Variants in EPHA5 observed in about 807,000 individuals in gnomAD.
EPHA5 encodes the protein EPH receptor A5.
Under a neutral mutation model 105.0 loss-of-function variants are expected in EPHA5, and 60 were observed. The observed-to-expected ratio is 0.57, with a 90% CI of 0.46 to 0.71. The LOEUF is 0.71. Ranked by LOEUF, EPHA5 falls within the 30% of genes least tolerant of loss-of-function variation. The probability of loss-of-function intolerance (pLI) is 0.00; values close to 1 mark genes in which losing one functional copy is unlikely to be tolerated. For missense variants in EPHA5, 1,218 were observed against 1,274.7 expected, an observed-to-expected ratio of 0.96 and a Z score of 0.68; for synonymous variants, 513 against 449.1, an observed-to-expected ratio of 1.14 and a Z score of -1.80.
intron 7 of EPHA5, among the ~76,000 whole-genome samples, chr4:65,406,534 G>A (rs755568419): frequency 6.6e-5 from 10 of 152,050 alleles, no homozygotes; most frequent in Non-Finnish European, 1.2e-4. Context: ...ATGTATGAAT[G>A]ATTCTTCATG....
At chr4:65,627,438 G>A (rs1232645250) in intron 2 of EPHA5, among the ~76,000 whole-genome samples, 1 of 151,990 alleles carries the variant, frequency 6.6e-6, no homozygotes, top group African/African-American at 2.4e-5. Flanking sequence ...AACCCTTTTG[G>A]CTTAACACAT....
intron 3 of EPHA5, among the ~76,000 whole-genome samples, chr4:65,522,610 C>G (rs994838404): frequency 6.6e-6 from 1 of 151,928 alleles, no homozygotes; most frequent in Non-Finnish European, 1.5e-5. Context: ...AATATTTACA[C>G]TGCAGAGACC....
chr4:65,332,826 G>A lies in EPHA5; in HGVS notation c.2790-698C>T, dbSNP rs568668529. Among the ~76,000 whole-genome samples the A allele has an allele frequency of 3.3e-5, 5 of 152,054 alleles. No individual in the cohort carries two copies. In the East Asian group the frequency reaches 9.7e-4, roughly 30 times the overall value. ...AGCTATGTGGGATAATTTGTGCAAA[G>A]CCAATCGATTTTTCCTAGAGGAACT... On this transcript the variant is annotated intron_variant, in intron 15 of 16. Transcript: ENST00000613740.
chr4:65,439,215 G>A lies in EPHA5; in HGVS notation c.1403-18650C>T, dbSNP rs144297490. Among the ~76,000 whole-genome samples, 677 of 152,176 alleles carry A rather than the reference G, an allele frequency of 4.4e-3. 5 individuals carry two copies. The highest frequency in any genetic ancestry group is 7.2e-3 in the Non-Finnish European group (491 of 67,992). ...ATAGGAGTTATATCCTAGAAGAGGC[G>A]AGAAAACTTGGAATACTTGAATACA... On this transcript the variant is annotated intron_variant, in intron 5 of 16. Coordinates refer to ENST00000613740, the MANE Select transcript of EPHA5 (RefSeq NM_001281766.3).
chr4:65,435,558 A>G (rs1302152740), intron 5 of EPHA5, among the ~76,000 whole-genome samples: 1 of 152,024 alleles, frequency 6.6e-6, no homozygotes, highest in Non-Finnish European at 1.5e-5. Flanking sequence ...TCCCAGATAA[A>G]TTAAGGGTTT....
At chr4:65,426,231 A>C (rs2149050433) in intron 5 of EPHA5, among the ~76,000 whole-genome samples, 1 of 152,102 alleles carries the variant, frequency 6.6e-6, no homozygotes, top group South Asian at 2.1e-4. Context: ...TCTTTCCTTG[A>C]TTTTCCCTTT....
chr4:65,448,230 C>A, intron 5 of EPHA5, among the ~76,000 whole-genome samples: 1 of 147,430 alleles, frequency 6.8e-6, no homozygotes, highest in South Asian at 2.2e-4. Context: ...AATCACCAAG[C>A]TATAAAAAAA....
intron 8 of EPHA5, among the ~76,000 whole-genome samples, chr4:65,401,380 T>A (rs1468708812): frequency 6.6e-6 from 1 of 152,056 alleles, no homozygotes; most frequent in Non-Finnish European, 1.5e-5. Flanking sequence ...AAGAATCATA[T>A]CATTTAGCTT....
chr4:65,498,699 A>G (rs1276884994), intron 3 of EPHA5, among the ~76,000 whole-genome samples: 1 of 151,812 alleles, frequency 6.6e-6, no homozygotes, highest in Non-Finnish European at 1.5e-5. Context: ...TTTACAGAAA[A>G]TACTGGTGCC....
At chr4:65,364,620 A>G (rs376269555) in intron 11 of EPHA5, among the ~76,000 whole-genome samples, 1 of 151,634 alleles carries the variant, frequency 6.6e-6, no homozygotes, top group Non-Finnish European at 1.5e-5. Context: ...AGAACTGCTT[A>G]AAAGGTGGCA....
chr4:65,371,111 A>C (rs1328256896), intron 8 of EPHA5, among the ~76,000 whole-genome samples: 1 of 152,138 alleles, frequency 6.6e-6, no homozygotes, highest in African/African-American at 2.4e-5. Context: ...ATGGAAAATA[A>C]ACTATTTTTT....
intron 16 of EPHA5, among the ~76,000 whole-genome samples, chr4:65,324,586 T>C (rs10517931): frequency 1.3e-5 from 2 of 151,186 alleles, no homozygotes; most frequent in Non-Finnish European, 3.0e-5. Context: ...TAAGCACTTA[T>C]TTTTGCTAAA....
At chr4:65,543,792 C>T (rs1441690268) in intron 3 of EPHA5, among the ~76,000 whole-genome samples, 1 of 151,920 alleles carries the variant, frequency 6.6e-6, no homozygotes, top group African/African-American at 2.4e-5. Context: ...AAGTACAAAG[C>T]CAGCGATATC....
At position 65,513,726 on chromosome 4, in the gene EPHA5, T is replaced by G. The variant is rs1733845755; in HGVS notation, c.911-18183A>C. ...GTACTTCTAAATCTTTCACTTTTTTTGTGTTTTTAAAGTCTTCTGAAGTTC... is the reference window on the plus strand; with the variant it reads ...GTACTTCTAAATCTTTCACTTTTTTGGTGTTTTTAAAGTCTTCTGAAGTTC... On this transcript the variant is annotated intron_variant, in intron 3 of 16. Transcript: ENST00000613740. Among the ~76,000 whole-genome samples, 4 of 152,304 alleles carry G rather than the reference T, an allele frequency of 2.6e-5. No homozygotes were observed. In the South Asian group the frequency reaches 8.3e-4, roughly 32 times the overall value.
chr4:65,606,771 C>T (rs1252284812), intron 2 of EPHA5, among the ~76,000 whole-genome samples: 1 of 152,094 alleles, frequency 6.6e-6, no homozygotes, highest in African/African-American at 2.4e-5. Context: ...TATAGCATAT[C>T]GGTTCAAGGA....
intron 2 of EPHA5, among the ~76,000 whole-genome samples, chr4:65,613,183 G>A (rs920767567): frequency 3.3e-5 from 5 of 152,048 alleles, no homozygotes; most frequent in African/African-American, 7.2e-5. Context: ...TCGGTTGGCT[G>A]TAGGTCTGTG....
intron 8 of EPHA5, among the ~76,000 whole-genome samples, chr4:65,368,415 T>C (rs1718135465): frequency 6.6e-6 from 1 of 152,168 alleles, no homozygotes; most frequent in Non-Finnish European, 1.5e-5. Flanking sequence ...ATAGTCTGCC[T>C]TCTTTTCCTG....
At chr4:65,603,863 A>G (rs1743973385) in intron 2 of EPHA5, among the ~76,000 whole-genome samples, 1 of 152,116 alleles carries the variant, frequency 6.6e-6, no homozygotes, top group South Asian at 2.1e-4. Context: ...GCACTCCATA[A>G]TTAAACTACT....
intron 2 of EPHA5, among the ~76,000 whole-genome samples, chr4:65,607,758 G>A (rs1744377101): frequency 6.6e-6 from 1 of 152,152 alleles, no homozygotes; most frequent in African/African-American, 2.4e-5. Flanking sequence ...TTCAACCATT[G>A]TGGAAAACAC....
Sources: allele counts gnomAD v4.1 joint callset (sites outside exome capture counted in the v4.1 genomes callset), GRCh38; gene constraint gnomAD v4.1.1; transcripts MANE v1.5; gene names NCBI Gene and HGNC (gene_info 2026-07-23, HGNC 2026-07-21).